SLC22A8: variants seen among roughly 807,000 people sequenced by gnomAD.
SLC22A8 encodes the protein solute carrier family 22 member 8, also known as organic anion transporter 3.
In SLC22A8, 40 loss-of-function variants were observed where a neutral mutation model predicts 48.4. That is an observed-to-expected ratio of 0.83 (90% CI 0.64 to 1.08). The LOEUF (loss-of-function observed/expected upper bound fraction) is 1.08, where lower values mean the gene tolerates loss of function less well. SLC22A8 is among the 50% of genes least tolerant of loss of function. SLC22A8 has a pLI of 0.00. For missense variants in SLC22A8, 606 were observed against 699.0 expected (o/e 0.87, Z 1.50); for synonymous variants, 268 against 286.3 (o/e 0.94, Z 0.65).
chr11:63,014,849 AGCAGGTTGTGGTTGG>A lies in SLC22A8; in HGVS notation c.95_109del (p.Ala32_Leu37delinsVal), dbSNP rs761489750. 3.1e-6 allele frequency: 5 copies of A among 1,612,218 alleles called. No homozygotes were observed. In the South Asian group the frequency reaches 5.5e-5, roughly 18 times the overall value. ...AGGGGTGGCGGCTGTGAAGATCTGC[AGCAGGTTGTGGTTGG>A]CCATGTTGAGGATCGGGAGGCCCAG... On this transcript the variant is annotated inframe_deletion, in exon 2 of 11. Coordinates refer to ENST00000336232, the MANE Select transcript of SLC22A8 (RefSeq NM_004254.4).
intron 6 of SLC22A8, 47 bp from the exon 7 acceptor site, chr11:62,995,866 G>T: frequency 6.5e-7 from 1 of 1,532,482 alleles, no homozygotes; most frequent in Non-Finnish European, 9.0e-7. Flanking sequence ...CCAGCTAGTG[G>T]GCAGGACGAA....
intron 2 of SLC22A8, among the ~76,000 whole-genome samples, chr11:63,006,912 G>GT (rs1402673916): frequency 1.3e-5 from 2 of 151,902 alleles, no homozygotes; most frequent in African/African-American, 4.8e-5. Flanking sequence ...CAGCCTTGAG[G>GT]TTTTATCTCT....
Position 63,014,626 on chromosome 11 carries a change from C to A in SLC22A8, c.333G>T (p.Glu111Asp). ...YNSTKDSIVT[E>D]WDLVCNSNKL... ...AGGGAGAGGGTTTGCCCAGGCATAC[C>A]TCTGTCACAATGGAGTCCTTGGTGC... Residue 111 changes from glutamate (E) to aspartate (D), a missense_variant and splice_region_variant, in exon 2 of 11, where the codon GAG becomes GAT. Glu to Asp is a conservative substitution (Grantham distance 45, BLOSUM62 2). Coordinates refer to ENST00000336232, the MANE Select transcript of SLC22A8 (RefSeq NM_004254.4). The A allele has an allele frequency of 6.3e-7, 1 of 1,583,180 alleles. No homozygotes were observed. The highest frequency in any genetic ancestry group is 8.6e-7 in the Non-Finnish European group (1 of 1,158,244).
At chr11:63,004,019 T>C (rs1378404257) in intron 2 of SLC22A8, among the ~76,000 whole-genome samples, 3 of 152,204 alleles carry the variant, frequency 2.0e-5, no homozygotes, top group Non-Finnish European at 4.4e-5. Flanking sequence ...GGAAATTAGA[T>C]TTTTATCCCA....
chr11:63,005,921 C>T (rs565227609), intron 2 of SLC22A8, among the ~76,000 whole-genome samples: 2 of 152,228 alleles, frequency 1.3e-5, no homozygotes, highest in East Asian at 3.9e-4. Flanking sequence ...GGCACGATTC[C>T]TGAATATTTG....
At chr11:63,015,551 C>T (rs1366640146) in intron 1 of SLC22A8, among the ~76,000 whole-genome samples, 178 bp downstream of exon 1, 1 of 152,232 alleles carries the variant, frequency 6.6e-6, no homozygotes, top group Non-Finnish European at 1.5e-5. Context: ...AAGCTCAGAG[C>T]CTCCTGGCTT....
chr11:63,003,046 T>C (rs181044667), intron 2 of SLC22A8, among the ~76,000 whole-genome samples: 1 of 152,310 alleles, frequency 6.6e-6, no homozygotes, highest in East Asian at 1.9e-4. Context: ...GGTGCCTGTC[T>C]TGCCTAAAGT....
intron 2 of SLC22A8, among the ~76,000 whole-genome samples, chr11:63,007,846 ATC>A (rs1022646007): frequency 6.6e-6 from 1 of 152,236 alleles, no homozygotes; most frequent in African/African-American, 2.4e-5. Flanking sequence ...TACTATTGTT[ATC>A]TCTTTTTATA....
intron 2 of SLC22A8, among the ~76,000 whole-genome samples, chr11:63,008,463 A>G (rs1228837551): frequency 6.6e-6 from 1 of 152,204 alleles, no homozygotes; most frequent in Non-Finnish European, 1.5e-5. Flanking sequence ...TCTTGGGGAC[A>G]GTCAAAAAGA....
Position 63,000,703 on chromosome 11 carries a change from G to A in SLC22A8, c.437+17C>T, listed in dbSNP as rs2086483201. ...CCCATGGGTCATGCTTCCATGGGCT[G>A]TGCCCCCATGTCTCACCTGTCAGAC... On this transcript the variant is annotated intron_variant, in intron 3 of 10. Transcript: ENST00000336232. 1 of 1,546,894 alleles carries A rather than the reference G, an allele frequency of 6.5e-7. No individual in the cohort carries two copies. Among genetic ancestry groups the A allele is most frequent in the Non-Finnish European group, 8.9e-7 (1 of 1,118,792 alleles).
chr11:62,997,846 T>C (rs1052069987), intron 5 of SLC22A8, among the ~76,000 whole-genome samples: 4 of 152,200 alleles, frequency 2.6e-5, no homozygotes, highest in South Asian at 4.1e-4. Flanking sequence ...ACGACGTAGG[T>C]TGATGCCCAA....
At chr11:63,004,589 C>T (rs980183054) in intron 2 of SLC22A8, among the ~76,000 whole-genome samples, 1 of 152,194 alleles carries the variant, frequency 6.6e-6, no homozygotes, top group Non-Finnish European at 1.5e-5. Flanking sequence ...AATTATAACT[C>T]CCAGCAGCCT....
At chr11:63,000,212 G>A (rs1006176997) in intron 3 of SLC22A8, among the ~76,000 whole-genome samples, 2 of 152,124 alleles carry the variant, frequency 1.3e-5, no homozygotes, top group Non-Finnish European at 2.9e-5. Context: ...GGCCAGACAC[G>A]GTGGTTCATG....
chr11:62,995,759 C>T lies in SLC22A8; in HGVS notation c.946G>A (p.Asp316Asn), dbSNP rs2135118256. The T allele has an allele frequency of 6.2e-7, 1 of 1,614,140 alleles. No individual in the cohort carries two copies. Among genetic ancestry groups the T allele is most frequent in the South Asian group, 1.1e-5 (1 of 91,074 alleles). ...SLAKAKYTAS[D>N]LFRIPMLRRM... ...CGCAGCATGGGTATCCGGAACAGGT[C>T]ACTTGCGGTGTACTTGGCCTTGGCC... The change falls in exon 7 of 11, where the codon GAC becomes AAC. Residue 316 changes from aspartate to asparagine, a missense_variant. Coordinates refer to ENST00000336232, the MANE Select transcript of SLC22A8 (RefSeq NM_004254.4).
rs1217106887 is a variant in SLC22A8 at position 63,005,012 on chromosome 11, AGT to A, written c.334-4191_334-4190del. On this transcript the variant is annotated intron_variant, in intron 2 of 10. Coordinates refer to ENST00000336232, the MANE Select transcript of SLC22A8 (RefSeq NM_004254.4). ...ACCACACGCCAGTGAGCAGGAGAGAAGTGTTTTTTCTTCACAGTCAGACTGGG... is the reference window on the plus strand; with the variant it reads ...ACCACACGCCAGTGAGCAGGAGAGAAGTTTTTTCTTCACAGTCAGACTGGG... Among the ~76,000 whole-genome samples, 94 of 152,356 alleles carry A rather than the reference AGT, an allele frequency of 6.2e-4. 1 individual carries two copies. Among genetic ancestry groups the A allele is most frequent in the Non-Finnish European group, 7.3e-5 (5 of 68,028 alleles).
chr11:62,995,527 G>T, intron 7 of SLC22A8, 177 bp downstream of exon 7: 1 of 600,268 alleles, frequency 1.7e-6, no homozygotes, highest in Non-Finnish European at 3.0e-6. Flanking sequence ...CTGGACCTGG[G>T]TGTGGGGCAG....
At chr11:63,000,977 G>A in intron 2 of SLC22A8, 154 bp from the exon 3 acceptor site, 1 of 623,636 alleles carries the variant, frequency 1.6e-6, no homozygotes, top group Non-Finnish European at 2.9e-6. Context: ...GCCCGGCTCG[G>A]AGCTCCTTGG....
rs75188766 is a variant in SLC22A8, at chr11:63,014,568, C to T, written c.333+58G>A. ...CCCAGCCTCCTCTGCTGCCCACCAG[C>T]GGTGCAGGGTATGGGGGTACGTGGG... is the stretch of plus-strand genomic sequence containing the variant. On this transcript the variant is annotated intron_variant, in intron 2 of 10. Coordinates refer to ENST00000336232, the MANE Select transcript of SLC22A8 (RefSeq NM_004254.4). 981 of 1,385,814 alleles carry T rather than the reference C, an allele frequency of 7.1e-4. 5 individuals are homozygous for T. In the African/African-American group the frequency reaches 8.1e-3, roughly 11 times the overall value. 85.8% of individuals were successfully genotyped at this position (1,385,814 alleles called of 1,614,324 possible).
rs1317151675 is a variant in SLC22A8, at chr11:63,006,623, T to TTTTTTTTTTTG, written c.334-5801_334-5800insCAAAAAAAAAA. Among the ~76,000 whole-genome samples the TTTTTTTTTTTG allele has an allele frequency of 4.7e-5, 6 of 127,856 alleles. 1 individual carries two copies. Among genetic ancestry groups the TTTTTTTTTTTG allele is most frequent in the African/African-American group, 2.1e-4 (6 of 28,746 alleles). The allele number at this position is 127,856 out of a possible 152,430, so 83.9% of individuals were successfully genotyped here. ...TTTTTTTTTTTTTTTTTTTTTTTTT[T>TTTTTTTTTTTG]TTGAGACAGAGTCTTGCTCTGTTAC... On this transcript the variant is annotated intron_variant, in intron 2 of 10. Coordinates refer to ENST00000336232, the MANE Select transcript of SLC22A8 (RefSeq NM_004254.4).
Sources: allele counts gnomAD v4.1 joint callset (sites outside exome capture counted in the v4.1 genomes callset), GRCh38; gene constraint gnomAD v4.1.1; transcripts MANE v1.5; gene names NCBI Gene and HGNC (gene_info 2026-07-23, HGNC 2026-07-21).